Variants in ODAD4 observed in about 807,000 individuals in gnomAD.
The protein encoded by ODAD4 is outer dynein arm docking complex subunit 4.
ODAD4 carries 49 observed loss-of-function variants against 51.8 expected under a neutral mutation model. The ratio of observed to expected loss-of-function variants is 0.95; its 90% CI spans 0.75 to 1.20. The LOEUF (loss-of-function observed/expected upper bound fraction) is 1.20. ODAD4 is among the 50% of genes most tolerant of loss of function. ODAD4 has a pLI of 0.00. For missense variants in ODAD4, 590 were observed against 586.5 expected (o/e 1.01, Z -0.06); for synonymous variants, 235 against 221.3 (o/e 1.06, Z -0.55).
intron 8 of ODAD4, among the ~76,000 whole-genome samples, chr17:41,946,167 C>T (rs1405205388): frequency 6.6e-6 from 1 of 152,098 alleles, no homozygotes; most frequent in Non-Finnish European, 1.5e-5. Context: ...GTGGAGTGCC[C>T]CCCGAAGGTC....
chr17:41,955,161 T>G (rs757729307), intron 9 of ODAD4, 56 bp from the exon 10 acceptor site: 5 of 743,646 alleles, frequency 6.7e-6, no homozygotes, highest in African/African-American at 3.4e-5. Context: ...GGCTCCATCA[T>G]GCACCACACG....
At chr17:41,945,313 C>A (rs1419108641) in intron 8 of ODAD4, 91 bp downstream of exon 8, 2 of 966,458 alleles carry the variant, frequency 2.1e-6, no homozygotes, top group Non-Finnish European at 3.2e-6. Context: ...AAGAATCCAG[C>A]CTGGGCAACA....
intron 8 of ODAD4, among the ~76,000 whole-genome samples, chr17:41,947,947 C>T (rs1355380549): frequency 6.6e-6 from 1 of 151,552 alleles, no homozygotes; most frequent in Non-Finnish European, 1.5e-5. Context: ...GGAGAAACCC[C>T]GTTTCTACTA....
chr17:41,962,281 C>G (rs1156789400), intron 11 of ODAD4, among the ~76,000 whole-genome samples: 1 of 152,182 alleles, frequency 6.6e-6, no homozygotes, highest in African/African-American at 2.4e-5. Flanking sequence ...CTCGGGCCAG[C>G]AGTGTGATGG....
intron 9 of ODAD4, chr17:41,952,758 T>C: frequency 2.2e-6 from 1 of 460,700 alleles, no homozygotes; most frequent in South Asian, 1.5e-5. Context: ...TGAGATAGAG[T>C]CTTGCTTTAT....
At chr17:41,964,352 C>T (rs532104498) in intron 11 of ODAD4, among the ~76,000 whole-genome samples, 4 of 152,246 alleles carry the variant, frequency 2.6e-5, no homozygotes, top group African/African-American at 4.8e-5. Flanking sequence ...TGAGCCATGC[C>T]GCCCGGCCGT....
At chr17:41,936,076 A>G (rs1208289050) in intron 3 of ODAD4, among the ~76,000 whole-genome samples, 1 of 152,234 alleles carries the variant, frequency 6.6e-6, no homozygotes, top group Non-Finnish European at 1.5e-5. Flanking sequence ...TCCTGAGCCC[A>G]GCCTTCTATA....
chr17:41,960,881 A>G (rs1429050407), intron 10 of ODAD4, among the ~76,000 whole-genome samples: 5 of 152,212 alleles, frequency 3.3e-5, no homozygotes, highest in Non-Finnish European at 2.9e-5. Flanking sequence ...CCTGCCCTCC[A>G]GAGGCTCACA....
intron 9 of ODAD4, among the ~76,000 whole-genome samples, chr17:41,949,645 C>T (rs1253590077): frequency 6.6e-6 from 1 of 152,210 alleles, no homozygotes; most frequent in Admixed American, 6.6e-5. Context: ...AGCCACTTTC[C>T]TTCTGCCTTG....
At chr17:41,955,551 C>T (rs1227539282) in intron 10 of ODAD4, among the ~76,000 whole-genome samples, 1 of 152,104 alleles carries the variant, frequency 6.6e-6, no homozygotes, top group Non-Finnish European at 1.5e-5. Context: ...CTCAGCCTCC[C>T]AAGTAGCTAG....
chr17:41,939,226 G>T (rs1337017741), intron 7 of ODAD4, 54 bp downstream of exon 7: 1 of 1,506,718 alleles, frequency 6.6e-7, no homozygotes, highest in African/African-American at 1.4e-5. Flanking sequence ...GGACACCTGG[G>T]GCTATCTGAG....
intron 10 of ODAD4, among the ~76,000 whole-genome samples, chr17:41,960,312 AAAAC>A (rs1317636601): frequency 2.0e-5 from 3 of 152,146 alleles, no homozygotes; most frequent in Admixed American, 6.6e-5. Flanking sequence ...TTAAAAAGAA[AAAAC>A]AAACAAACAA....
At chr17:41,940,540 A>G (rs1369373940) in intron 7 of ODAD4, among the ~76,000 whole-genome samples, 5 of 152,164 alleles carry the variant, frequency 3.3e-5, no homozygotes, top group Non-Finnish European at 7.3e-5. Context: ...GGAATATCCC[A>G]TACTGGCCAT....
rs2050874998 is a variant in ODAD4, at chr17:41,965,727, C to G, written c.*244C>G. 2.2e-6 allele frequency: 1 copy of G among 450,878 alleles called. No homozygotes were observed. Among genetic ancestry groups the G allele is most frequent in the Non-Finnish European group, 3.9e-6 (1 of 254,482 alleles). The allele number at this position is 450,878 out of a possible 1,614,324, so 27.9% of individuals were successfully genotyped here. On this transcript the variant is annotated 3_prime_UTR_variant, in exon 12 of 12. Coordinates refer to ENST00000377540, the MANE Select transcript of ODAD4 (RefSeq NM_031421.5). Reference sequence around the variant, plus strand: ...ATCGTGGAAGAAATGAGAAAGGTGCCAAGAAGAAAGGGTTTCAGGAGGGTG... The same window carrying G: ...ATCGTGGAAGAAATGAGAAAGGTGCGAAGAAGAAAGGGTTTCAGGAGGGTG...
chr17:41,940,079 C>T (rs552915620), intron 7 of ODAD4, among the ~76,000 whole-genome samples: 2 of 152,324 alleles, frequency 1.3e-5, no homozygotes, highest in East Asian at 3.9e-4. Context: ...ATCGCTTTCT[C>T]AGCATCCTGG....
At chr17:41,958,919 C>A (rs564005029) in intron 10 of ODAD4, among the ~76,000 whole-genome samples, 2 of 151,156 alleles carry the variant, frequency 1.3e-5, no homozygotes, top group Non-Finnish European at 2.9e-5. Flanking sequence ...GAGGCTGAAG[C>A]AGGAGAATTG....
At chr17:41,943,633 T>G (rs977072155) in intron 7 of ODAD4, among the ~76,000 whole-genome samples, 2 of 152,376 alleles carry the variant, frequency 1.3e-5, no homozygotes, top group African/African-American at 4.8e-5. Context: ...TTTTCACTTC[T>G]TTTGTGATTC....
At chr17:41,947,946 C>G (rs2050609374) in intron 8 of ODAD4, among the ~76,000 whole-genome samples, 2 of 151,644 alleles carry the variant, frequency 1.3e-5, no homozygotes, top group Non-Finnish European at 2.9e-5. Flanking sequence ...TGGAGAAACC[C>G]CGTTTCTACT....
chr17:41,962,004 G>T (rs1050486930), intron 11 of ODAD4, among the ~76,000 whole-genome samples: 11 of 152,194 alleles, frequency 7.2e-5, no homozygotes, highest in African/African-American at 2.7e-4. Flanking sequence ...GAGAGAAGTG[G>T]GAGAAGAAAG....
Sources: allele counts gnomAD v4.1 joint callset (sites outside exome capture counted in the v4.1 genomes callset), GRCh38; gene constraint gnomAD v4.1.1; transcripts MANE v1.5; gene names NCBI Gene and HGNC (gene_info 2026-07-23, HGNC 2026-07-21).